SLCO3A1: variants seen among roughly 807,000 people sequenced by gnomAD.
SLCO3A1 encodes PGE1 transporter.
Under a neutral mutation model 63.1 loss-of-function variants are expected in SLCO3A1, and 27 were observed. The ratio of observed to expected loss-of-function variants is 0.43; its 90% CI spans 0.32 to 0.59. SLCO3A1 has a LOEUF of 0.59. Ranked by LOEUF, SLCO3A1 falls within the 20% of genes least tolerant of loss-of-function variation. The pLI is 0.09. For synonymous variants in SLCO3A1, 473 were observed against 409.9 expected (o/e 1.15, Z -1.86); for missense variants, 773 against 945.8 (o/e 0.82, Z 2.40).
At chr15:92,040,023 A>G (rs1296969612) in intron 2 of SLCO3A1, among the ~76,000 whole-genome samples, 1 of 152,154 alleles carries the variant, frequency 6.6e-6, no homozygotes, top group Non-Finnish European at 1.5e-5. Flanking sequence ...GTGAGAACAC[A>G]TGCACAAACA....
rs1294186902 is a variant in SLCO3A1 at position 92,165,127 on chromosome 15, G to C, written c.*1992G>C. On this transcript the variant is annotated 3_prime_UTR_variant, in exon 10 of 10. Coordinates refer to ENST00000318445, the MANE Select transcript of SLCO3A1 (RefSeq NM_013272.4). ...AGGCTTGAATGACAGCCCAAATCTA[G>C]AGAAGGCACTCAGCAAGACCAACCA... 6.1e-6 allele frequency: 6 copies of C among 985,418 alleles called. No homozygotes were observed. The highest frequency in any genetic ancestry group is 7.2e-6 in the Non-Finnish European group (6 of 829,932). 61.0% of individuals were successfully genotyped at this position (985,418 alleles called of 1,614,324 possible).
In SLCO3A1 at chr15:91,929,141, C is replaced by G. The variant is rs146076745; in HGVS notation, c.646+12683C>G. 1.8e-3 allele frequency among the ~76,000 whole-genome samples: 275 copies of G among 152,306 alleles called. 4 individuals are homozygous for G. Among genetic ancestry groups the G allele is most frequent in the Non-Finnish European group, 2.9e-3 (199 of 68,040 alleles). On this transcript the variant is annotated intron_variant, in intron 2 of 9. Transcript: ENST00000318445. ...ATAATCAGCATGAGCAGTTATTGAGCTCTGTGGTGTTCTGAAGACCCTCAG... is the reference window on the plus strand; with the variant it reads ...ATAATCAGCATGAGCAGTTATTGAGGTCTGTGGTGTTCTGAAGACCCTCAG...
chr15:91,936,308 G>A (rs1899411696), intron 2 of SLCO3A1, among the ~76,000 whole-genome samples: 1 of 152,212 alleles, frequency 6.6e-6, no homozygotes, highest in South Asian at 2.1e-4. Context: ...ATGATCTGGA[G>A]CTGCACTGTC....
chr15:91,916,606 G>GGTGC lies in SLCO3A1; in HGVS notation c.646+149_646+152dup. ...TTCTTGAAAAATACTCATGCCTGGGGGTGCAACCTGGGCATTGAGACGTTT... is the reference window on the plus strand; with the variant it reads ...TTCTTGAAAAATACTCATGCCTGGGGGTGCGTGCAACCTGGGCATTGAGACGTTT... On this transcript the variant is annotated intron_variant, in intron 2 of 9. Coordinates refer to ENST00000318445, the MANE Select transcript of SLCO3A1 (RefSeq NM_013272.4). This position sits in a 1 kb window ranked among gnomAD's most constrained non-coding sequence, Gnocchi z 6.2. 1.5e-6 allele frequency: 1 copy of GGTGC among 648,116 alleles called. No individual in the cohort carries two copies. The highest frequency in any genetic ancestry group is 2.6e-6 in the Non-Finnish European group (1 of 389,298). The allele number at this position is 648,116 out of a possible 1,614,324, so 40.1% of individuals were successfully genotyped here.
At chr15:92,050,359 G>A (rs1464216652) in intron 2 of SLCO3A1, among the ~76,000 whole-genome samples, 1 of 152,196 alleles carries the variant, frequency 6.6e-6, no homozygotes, top group African/African-American at 2.4e-5. Context: ...TTTAAGAAGA[G>A]TGGAAACAAA....
At chr15:91,887,881 T>C (rs377602904) in intron 1 of SLCO3A1, among the ~76,000 whole-genome samples, 2 of 152,214 alleles carry the variant, frequency 1.3e-5, no homozygotes, top group South Asian at 2.1e-4. Context: ...CTACAGTTTG[T>C]GCCAGGATTT....
chr15:92,045,327 A>G (rs929242016), intron 2 of SLCO3A1, among the ~76,000 whole-genome samples: 1 of 152,014 alleles, frequency 6.6e-6, no homozygotes, highest in African/African-American at 2.4e-5. Flanking sequence ...TACTCATTGT[A>G]AAACATTTTA....
chr15:92,139,612 C>A (rs2048102752), intron 7 of SLCO3A1, among the ~76,000 whole-genome samples: 1 of 152,042 alleles, frequency 6.6e-6, no homozygotes, highest in African/African-American at 2.4e-5. Context: ...GTTCTGGACT[C>A]TTTTTGGTTG....
intron 2 of SLCO3A1, among the ~76,000 whole-genome samples, chr15:91,990,308 C>T (rs28759197): frequency 6.6e-6 from 1 of 152,114 alleles, no homozygotes; most frequent in Non-Finnish European, 1.5e-5. Flanking sequence ...AAGCAATGCT[C>T]TTATGACAAG....
intron 4 of SLCO3A1, among the ~76,000 whole-genome samples, chr15:92,115,889 G>T (rs1426884560): frequency 2.7e-5 from 4 of 148,426 alleles, no homozygotes; most frequent in Admixed American, 2.0e-4. Context: ...CCCAACCTAG[G>T]CAGAAATTTT....
chr15:91,869,522 G>GAAA (rs67400392), intron 1 of SLCO3A1, among the ~76,000 whole-genome samples: 2,199 of 144,202 alleles, frequency 0.015, 58 homozygotes, highest in African/African-American at 0.051. Flanking sequence ...TGTCTCAAAG[G>GAAA]AAAAAAAAAA....
chr15:92,053,676 G>GTTTTTTTTTTT (rs374017626), intron 2 of SLCO3A1, among the ~76,000 whole-genome samples: 1 of 53,378 alleles, frequency 1.9e-5, no homozygotes, highest in African/African-American at 5.9e-5. Flanking sequence ...TTTATGTTTT[G>GTTTTTTTTTTT]TTTTTTTGTT....
rs1897651425 is a variant in SLCO3A1, at chr15:91,883,615, A to G, written c.180+29527A>G. 6.6e-6 allele frequency among the ~76,000 whole-genome samples: 1 copy of G among 152,198 alleles called. No individual in the cohort carries two copies. Among genetic ancestry groups the G allele is most frequent in the African/African-American group, 2.4e-5 (1 of 41,446 alleles). ...AAGTGGCTGTGGGTTATAAATTCCAAGTTGTGATTTATAAGCCTTAATAGT... is the reference window on the plus strand; with the variant it reads ...AAGTGGCTGTGGGTTATAAATTCCAGGTTGTGATTTATAAGCCTTAATAGT... On this transcript the variant is annotated intron_variant, in intron 1 of 9. Coordinates refer to ENST00000318445, the MANE Select transcript of SLCO3A1 (RefSeq NM_013272.4). This position sits in a 1 kb window ranked among gnomAD's most constrained non-coding sequence, Gnocchi z 4.8.
intron 1 of SLCO3A1, among the ~76,000 whole-genome samples, chr15:91,888,191 G>A (rs2151353822): frequency 6.6e-6 from 1 of 152,308 alleles, no homozygotes; most frequent in Non-Finnish European, 1.5e-5. Context: ...TGGGAGTCAG[G>A]AGCTGGAAGT....
At chr15:92,136,986 ATTATAC>A (rs1455871531) in intron 7 of SLCO3A1, among the ~76,000 whole-genome samples, 6 of 132,202 alleles carry the variant, frequency 4.5e-5, no homozygotes, top group East Asian at 2.2e-4. Context: ...TTTTTTTTTA[ATTATAC>A]TTTAAGTTTT....
At chr15:92,171,726 A>C in intron 10 of SLCO3A1, 1 of 1,275,758 alleles carries the variant, frequency 7.8e-7, no homozygotes, top group South Asian at 1.3e-5. Flanking sequence ...TAGGTGAAGC[A>C]GAAAAGACCG....
At chr15:91,917,195 T>C (rs1402603757) in intron 2 of SLCO3A1, among the ~76,000 whole-genome samples, 1 of 152,152 alleles carries the variant, frequency 6.6e-6, no homozygotes. Flanking sequence ...CCCGCATCTC[T>C]ATCCCTTGTT....
chr15:92,040,511 G>A (rs1296292735), intron 2 of SLCO3A1, among the ~76,000 whole-genome samples: 1 of 152,164 alleles, frequency 6.6e-6, no homozygotes, highest in South Asian at 2.1e-4. Context: ...CAAGTTCCAG[G>A]CCCAGGAAAT....
At position 91,891,811 on chromosome 15, in the gene SLCO3A1, G is replaced by A. The variant is rs376497922; in HGVS notation, c.181-24182G>A. On this transcript the variant is annotated intron_variant, in intron 1 of 9. Transcript: ENST00000318445. ...CATCAGGGTTTGGGAAACTTACCAC[G>A]TAAAGAGCTGTATAGTAAATATTTC... Among the ~76,000 whole-genome samples, 6 of 152,180 alleles carry A rather than the reference G, an allele frequency of 3.9e-5. No homozygotes were observed. The South Asian group carries it at 6.2e-4, about 16-fold the overall frequency.
Sources: gnomAD v4.1 joint callset for allele counts (sites outside exome capture counted in the v4.1 genomes callset) on GRCh38, gnomAD v4.1.1 for gene constraint, Gnocchi (gnomAD v3.1) non-coding constraint, MANE v1.5 for transcripts, NCBI Gene and HGNC (gene_info 2026-07-23, HGNC 2026-07-21) for gene names.